The following STK32B variants were observed in gnomAD, a reference collection of about 807,000 sequenced individuals.
The protein encoded by STK32B is serine/threonine kinase 32B.
STK32B carries 43 observed loss-of-function variants against 52.6 expected under a neutral mutation model. The observed-to-expected ratio is 0.82, with a 90% CI of 0.64 to 1.05. The LOEUF is 1.05. STK32B is among the 50% of genes least tolerant of loss of function. The probability of loss-of-function intolerance (pLI) is 0.00; values close to 1 mark genes in which losing one functional copy is unlikely to be tolerated. For synonymous variants in STK32B, 238 were observed against 204.3 expected (o/e 1.17, Z -1.41); for missense variants, 621 against 534.6 (o/e 1.16, Z -1.59).
At chr4:5,027,141 C>T in the STK32B span, among the ~76,000 whole-genome samples, 1 of 152,198 alleles carries the variant, frequency 6.6e-6, no homozygotes, top group African/African-American at 2.4e-5. Flanking sequence ...AAAAGTAACA[C>T]ATCTTCCCCT....
chr4:5,116,471 C>G (rs1249889303), intron 1 of STK32B, among the ~76,000 whole-genome samples: 1 of 152,172 alleles, frequency 6.6e-6, no homozygotes, highest in Non-Finnish European at 1.5e-5. Flanking sequence ...ATTAATATAT[C>G]TATCAACTCA....
rs1717583535 is a variant in STK32B, at chr4:5,468,099, C to A, written c.1106+29C>A. 3 of 1,610,598 alleles carry A rather than the reference C, an allele frequency of 1.9e-6. No individual in the cohort carries two copies. The South Asian group carries it at 3.3e-5, about 18-fold the overall frequency. ...AGTCCTTCATACTGTCCCCCTTGGG[C>A]AAAGCCTGTCCTAAGTGACCCAAGG... On this transcript the variant is annotated intron_variant, in intron 11 of 11. Transcript: ENST00000282908.
At chr4:5,151,245 T>C (rs1349235248) in intron 2 of STK32B, among the ~76,000 whole-genome samples, 1 of 152,214 alleles carries the variant, frequency 6.6e-6, no homozygotes, top group Admixed American at 6.5e-5. Context: ...AGCATAGCTT[T>C]GTTCAGGTTA....
chr4:5,483,418 G>A (rs1304692453), intron 11 of STK32B, among the ~76,000 whole-genome samples: 3 of 152,050 alleles, frequency 2.0e-5, no homozygotes, highest in Non-Finnish European at 4.4e-5. Flanking sequence ...GTATTTCTGT[G>A]GGATCGGTGG....
the STK32B span, among the ~76,000 whole-genome samples, chr4:5,027,029 C>G: frequency 6.6e-6 from 1 of 152,226 alleles, no homozygotes; most frequent in African/African-American, 2.4e-5. Context: ...TCAGGAGCCA[C>G]TAATCAAGCT....
At chr4:5,039,746 G>A in the STK32B span, among the ~76,000 whole-genome samples, 2 of 152,000 alleles carry the variant, frequency 1.3e-5, no homozygotes, top group Non-Finnish European at 2.9e-5. Context: ...CTGCAAACAC[G>A]TGAGGAATGC....
intron 2 of STK32B, among the ~76,000 whole-genome samples, chr4:5,143,129 G>GTCTA (rs1446470626): frequency 7.1e-6 from 1 of 139,878 alleles, no homozygotes; most frequent in Non-Finnish European, 1.6e-5. Context: ...CTGTCTGTCT[G>GTCTA]TCTATCTGTC....
chr4:5,248,460 T>A (rs1725624484), intron 3 of STK32B, among the ~76,000 whole-genome samples: 1 of 152,214 alleles, frequency 6.6e-6, no homozygotes, highest in South Asian at 2.1e-4. Context: ...GTATTTCCAT[T>A]TGATTTCTAA....
chr4:5,121,284 G>A (rs945995571), intron 1 of STK32B, among the ~76,000 whole-genome samples: 2 of 152,170 alleles, frequency 1.3e-5, no homozygotes, highest in African/African-American at 4.8e-5. Context: ...ATTACATGGT[G>A]TATATATACC....
intron 4 of STK32B, among the ~76,000 whole-genome samples, chr4:5,363,417 A>G (rs1299343447): frequency 6.6e-6 from 1 of 152,176 alleles, no homozygotes; most frequent in African/African-American, 2.4e-5. Flanking sequence ...AGATCCTGCC[A>G]CTGATGTGTG....
intron 1 of STK32B, among the ~76,000 whole-genome samples, chr4:5,101,149 T>C (rs991883617): frequency 6.6e-6 from 1 of 152,210 alleles, no homozygotes; most frequent in Non-Finnish European, 1.5e-5. Flanking sequence ...CCTCAAGCAA[T>C]GCTCCTGCCT....
At chr4:5,165,605 C>G (rs3806726) in intron 2 of STK32B, among the ~76,000 whole-genome samples, 47,855 of 151,952 alleles carry the variant, frequency 0.31, 7,782 homozygotes, top group East Asian at 0.39. Context: ...TGAGAGAGAC[C>G]ACAAATTCTA....
chr4:5,124,951 G>A (rs1468324378), intron 1 of STK32B, among the ~76,000 whole-genome samples: 1 of 152,144 alleles, frequency 6.6e-6, no homozygotes, highest in African/African-American at 2.4e-5. Flanking sequence ...CTAATGACAG[G>A]AACTCTCTCA....
intron 2 of STK32B, among the ~76,000 whole-genome samples, chr4:5,143,479 C>T (rs1716663877): frequency 6.6e-6 from 1 of 152,132 alleles, no homozygotes; most frequent in South Asian, 2.1e-4. Context: ...CCTTCTCACA[C>T]TTCCTTGTGG....
intron 1 of STK32B, among the ~76,000 whole-genome samples, chr4:5,112,066 T>A (rs1363725950): frequency 1.3e-5 from 2 of 152,174 alleles, no homozygotes; most frequent in Non-Finnish European, 2.9e-5. Flanking sequence ...AGTCACCAGG[T>A]AAGAGCTGCT....
chr4:5,128,775 G>A (rs1471649077), intron 1 of STK32B, among the ~76,000 whole-genome samples: 2 of 152,210 alleles, frequency 1.3e-5, no homozygotes, highest in Non-Finnish European at 2.9e-5. Context: ...CTGGCCAGGA[G>A]CTGAATCTCT....
rs532575008 is a variant in STK32B, at chr4:5,407,163, A to G, written c.472+8919A>G. On this transcript the variant is annotated intron_variant, in intron 5 of 11. Coordinates refer to ENST00000282908, the MANE Select transcript of STK32B (RefSeq NM_018401.3). ...CACTCTCAAGTTCAAAATTCCACAT[A>G]TCTCTAGGGCCTCCAACCTCTTTGC... Among the ~76,000 whole-genome samples, 8 of 152,186 alleles carry G rather than the reference A, an allele frequency of 5.3e-5. No homozygotes were observed. The South Asian group carries it at 1.2e-3, about 24-fold the overall frequency.
intron 11 of STK32B, 92 bp downstream of exon 11, chr4:5,468,162 G>T: frequency 7.5e-7 from 1 of 1,337,308 alleles, no homozygotes; most frequent in Non-Finnish European, 1.1e-6. Flanking sequence ...CCCCCAAACC[G>T]GCCTTGACGA....
intron 11 of STK32B, among the ~76,000 whole-genome samples, chr4:5,482,711 T>A (rs183236921): frequency 6.6e-6 from 1 of 152,216 alleles, no homozygotes. Flanking sequence ...CAGTATGATA[T>A]TGGCTGTGGG....
Sources: gnomAD v4.1 joint callset for allele counts (sites outside exome capture counted in the v4.1 genomes callset) on GRCh38, gnomAD v4.1.1 for gene constraint, MANE v1.5 for transcripts, NCBI Gene and HGNC (gene_info 2026-07-23, HGNC 2026-07-21) for gene names.